INTS4: variants seen among roughly 807,000 people sequenced by gnomAD.
INTS4 encodes the protein integrator complex subunit 4.
In INTS4, 70 loss-of-function variants were observed where a neutral mutation model predicts 119.5. That is an observed-to-expected ratio of 0.59 (90% CI 0.48 to 0.71). The LOEUF (loss-of-function observed/expected upper bound fraction) is 0.71, where lower values mean the gene tolerates loss of function less well. Among genes scored for constraint, INTS4 ranks in the 30% least tolerant of loss-of-function variants. INTS4 has a pLI of 0.00. For missense variants in INTS4, 867 were observed against 1,173.2 expected (o/e 0.74, Z 3.81); for synonymous variants, 316 against 419.6 (o/e 0.75, Z 3.02).
rs541771425 is a variant in INTS4 at position 77,970,446 on chromosome 11, TG to T, written c.471+8549del. On this transcript the variant is annotated intron_variant, in intron 4 of 22. Coordinates refer to ENST00000534064, the MANE Select transcript of INTS4 (RefSeq NM_033547.4). ...ACTTCTCAGTTAATATGTTTCAGTT[TG>T]TTGGTAGATATCTACAAGCAGAACA... Among the ~76,000 whole-genome samples, 198 of 152,140 alleles carry T rather than the reference TG, an allele frequency of 1.3e-3. 1 individual carries two copies. The highest frequency in any genetic ancestry group is 4.6e-3 in the African/African-American group (191 of 41,524).
Position 77,903,549 on chromosome 11 carries a change from T to C in INTS4, c.2088A>G (p.Ala696=). The C allele has an allele frequency of 6.2e-7, 1 of 1,613,880 alleles. No individual in the cohort carries two copies. Among genetic ancestry groups the C allele is most frequent in the Non-Finnish European group, 8.5e-7 (1 of 1,179,822 alleles). The stretch of plus-strand genomic sequence containing the variant: ...GTCTGAATAAGCTTACCTGTTTCGC[T>C]GCTGCTGAGGCCAAATCACTCTGCT... ...YLKQSDLASA[A]AKQIMEETYK... is the part of the protein sequence containing the mutation. Residue 696 remains alanine, a synonymous_variant, in exon 17 of 23, where the codon GCA becomes GCG. Coordinates refer to ENST00000534064, the MANE Select transcript of INTS4 (RefSeq NM_033547.4).
At position 77,900,306 on chromosome 11, in the gene INTS4, A is replaced by G. The variant is rs185957911; in HGVS notation, c.2228+1115T>C. Among the ~76,000 whole-genome samples, 972 of 152,112 alleles carry G rather than the reference A, an allele frequency of 6.4e-3. 8 individuals carry two copies. Among genetic ancestry groups the G allele is most frequent in the African/African-American group, 0.021 (880 of 41,518 alleles). ...AGTAGAGACAGGGTTTCACCATGTT[A>G]GCCAGGATGCTCTTGATCTCCTGAC... On this transcript the variant is annotated intron_variant, in intron 18 of 22. Coordinates refer to ENST00000534064, the MANE Select transcript of INTS4 (RefSeq NM_033547.4).
intron 8 of INTS4, among the ~76,000 whole-genome samples, chr11:77,950,910 C>T (rs951863764): frequency 3.9e-5 from 5 of 127,108 alleles, no homozygotes; most frequent in African/African-American, 1.5e-4. Context: ...GTGTGATGTT[C>T]CCCTTCCTGT....
At chr11:77,990,988 TG>T in intron 2 of INTS4, 119 bp downstream of exon 2, 1 of 820,656 alleles carries the variant, frequency 1.2e-6, no homozygotes, top group Non-Finnish European at 1.9e-6. Context: ...ACCTAGCACT[TG>T]GAAGACACTC....
chr11:77,994,513 G>T, intron 1 of INTS4, 77 bp downstream of exon 1: 2 of 1,183,744 alleles, frequency 1.7e-6, no homozygotes, highest in Non-Finnish European at 2.5e-6. Context: ...AGCCTCTTCT[G>T]TTCCGGCAAA....
chr11:77,904,995 C>CAA (rs1952899744), intron 16 of INTS4, among the ~76,000 whole-genome samples: 1 of 152,130 alleles, frequency 6.6e-6, no homozygotes, highest in South Asian at 2.1e-4. Flanking sequence ...TAAGGAATAT[C>CAA]AGAAACCTGG....
intron 22 of INTS4, among the ~76,000 whole-genome samples, 166 bp downstream of exon 22, chr11:77,883,666 C>T (rs1258976534): frequency 6.6e-6 from 1 of 152,056 alleles, no homozygotes; most frequent in African/African-American, 2.4e-5. Context: ...CCAAATATAC[C>T]CAGTTTTTTA....
chr11:77,954,847 C>T (rs570996275), intron 8 of INTS4, among the ~76,000 whole-genome samples: 1 of 152,216 alleles, frequency 6.6e-6, no homozygotes, highest in African/African-American at 2.4e-5. Flanking sequence ...TGGTCCACAG[C>T]CTGGGGGTTT....
chr11:77,971,284 C>T (rs1822612070), intron 4 of INTS4, among the ~76,000 whole-genome samples: 1 of 151,924 alleles, frequency 6.6e-6, no homozygotes. Context: ...ACTTTCCCTC[C>T]TCTGTCATGT....
chr11:77,977,032 T>G (rs184890615), intron 4 of INTS4, among the ~76,000 whole-genome samples: 1 of 152,062 alleles, frequency 6.6e-6, no homozygotes, highest in East Asian at 1.9e-4. Flanking sequence ...CATATGTAAC[T>G]AACCTGCACG....
chr11:77,949,154 T>G (rs1954124544), intron 8 of INTS4, among the ~76,000 whole-genome samples: 1 of 152,156 alleles, frequency 6.6e-6, no homozygotes, highest in Non-Finnish European at 1.5e-5. Context: ...TCTTGTCATT[T>G]GCCACATCGA....
At chr11:77,917,460 C>T (rs1412631861) in intron 15 of INTS4, among the ~76,000 whole-genome samples, 9 of 151,558 alleles carry the variant, frequency 5.9e-5, no homozygotes, top group Admixed American at 2.0e-4. Context: ...ATTACAGGCG[C>T]GTGCCACCAC....
At chr11:77,943,791 T>C (rs1953985040) in intron 8 of INTS4, among the ~76,000 whole-genome samples, 2 of 152,328 alleles carry the variant, frequency 1.3e-5, no homozygotes, top group Non-Finnish European at 2.9e-5. Context: ...ATACAAGATA[T>C]TTAACAATTA....
intron 21 of INTS4, 68 bp from the exon 22 acceptor site, chr11:77,884,020 T>A: frequency 6.5e-7 from 1 of 1,527,094 alleles, no homozygotes; most frequent in East Asian, 2.3e-5. Flanking sequence ...GATGATGACA[T>A]CTGTTGTGAA....
intron 18 of INTS4, among the ~76,000 whole-genome samples, chr11:77,897,407 T>C (rs1046488274): frequency 6.6e-6 from 1 of 151,442 alleles, no homozygotes; most frequent in African/African-American, 2.4e-5. Context: ...ATTATGTACT[T>C]ATAACTTTAA....
chr11:77,947,491 T>A (rs1452178810), intron 8 of INTS4, among the ~76,000 whole-genome samples: 3 of 152,206 alleles, frequency 2.0e-5, no homozygotes, highest in African/African-American at 4.8e-5. Context: ...ATAGAATTAA[T>A]ATATTCAAGG....
chr11:77,920,968 C>T (rs1048814800), intron 14 of INTS4, among the ~76,000 whole-genome samples: 6 of 151,458 alleles, frequency 4.0e-5, no homozygotes, highest in Non-Finnish European at 2.9e-5. Context: ...ATATCAATAA[C>T]CCAGGGACAC....
At chr11:77,990,977 T>G (rs1856660607) in intron 2 of INTS4, 131 bp downstream of exon 2, 1 of 726,118 alleles carries the variant, frequency 1.4e-6, no homozygotes, top group East Asian at 2.7e-5. Flanking sequence ...GTATCCATAG[T>G]ACCTAGCACT....
At chr11:77,880,484 GC>G (rs1951750373) in intron 22 of INTS4, among the ~76,000 whole-genome samples, 1 of 152,210 alleles carries the variant, frequency 6.6e-6, no homozygotes, top group African/African-American at 2.4e-5. Context: ...TCATGCAGCA[GC>G]CATGAGTGTA....
Sources: gnomAD v4.1 joint callset for allele counts (sites outside exome capture counted in the v4.1 genomes callset) on GRCh38, gnomAD v4.1.1 for gene constraint, MANE v1.5 for transcripts, NCBI Gene and HGNC (gene_info 2026-07-23, HGNC 2026-07-21) for gene names.